The following C9 variants were observed in gnomAD, a reference collection of about 807,000 sequenced individuals.
C9 encodes the protein complement component C9.
In C9, 63 loss-of-function variants were observed where a neutral mutation model predicts 65.4. That is an observed-to-expected ratio of 0.96 (90% confidence interval 0.79 to 1.19). C9 has a LOEUF of 1.19. C9 is among the 50% of genes most tolerant of loss of function. The pLI, the probability that C9 is intolerant of heterozygous loss-of-function variation, is 0.00. For missense variants in C9, 744 were observed against 670.1 expected (o/e 1.11, Z -1.22); for synonymous variants, 229 against 227.9 (o/e 1.00, Z -0.04).
chr5:39,327,195 T>C (rs558628227), intron 5 of C9, among the ~76,000 whole-genome samples: 5 of 152,134 alleles, frequency 3.3e-5, no homozygotes, highest in Non-Finnish European at 7.4e-5. Context: ...TTGTACTCCT[T>C]GCCAAGGAGA....
chr5:39,360,365 T>C (rs1561358360), intron 1 of C9, among the ~76,000 whole-genome samples: 2 of 152,222 alleles, frequency 1.3e-5, no homozygotes, highest in African/African-American at 2.4e-5. Flanking sequence ...AGAGTTGGAA[T>C]TGAAACCCGG....
chr5:39,352,834 G>GTT (rs747093390), intron 1 of C9, among the ~76,000 whole-genome samples: 15 of 144,662 alleles, frequency 1.0e-4, no homozygotes, highest in African/African-American at 3.6e-4. Context: ...TGAAGTCTAA[G>GTT]TTTTTTTTTT....
chr5:39,302,962 C>A (rs1310447374), intron 9 of C9, among the ~76,000 whole-genome samples: 1 of 152,048 alleles, frequency 6.6e-6, no homozygotes, highest in Admixed American at 6.6e-5. Flanking sequence ...TACATAACAA[C>A]CTTTTAGTAA....
At position 39,315,960 on chromosome 5, in the gene C9, G is replaced by A. The variant is rs780870258; in HGVS notation, c.685C>T (p.Gln229Ter). The stretch of plus-strand genomic sequence containing the variant: ...GCATTAAAATTTGATGTCTTCTCTT[G>A]GATGATACTTTTAAATGCTTCAATT... Reference protein sequence around the residue: ...EQIEAFKSIIQEKTSNFNAAI... With the variant: ...EQIEAFKSII The change falls in exon 6 of 11, where the codon CAA becomes TAA. Residue 229 changes from glutamine (Q) to a stop codon, truncating the protein, a stop_gained. Coordinates refer to ENST00000263408, the MANE Select transcript of C9 (RefSeq NM_001737.5). LOFTEE classifies it high-confidence loss of function. The A allele has an allele frequency of 6.2e-7, 1 of 1,609,186 alleles. No individual in the cohort carries two copies. Among genetic ancestry groups the A allele is most frequent in the Non-Finnish European group, 8.5e-7 (1 of 1,175,970 alleles).
chr5:39,347,111 A>T (rs867707682), intron 1 of C9, among the ~76,000 whole-genome samples: 1 of 152,128 alleles, frequency 6.6e-6, no homozygotes, highest in Admixed American at 6.6e-5. Flanking sequence ...AAAACTGGCA[A>T]AAGACAGGGA....
intron 9 of C9, among the ~76,000 whole-genome samples, chr5:39,304,815 A>T (rs1381263516): frequency 6.6e-6 from 1 of 152,202 alleles, no homozygotes; most frequent in Non-Finnish European, 1.5e-5. Flanking sequence ...AAAATGGGAT[A>T]AACTATATTG....
intron 5 of C9, among the ~76,000 whole-genome samples, chr5:39,325,990 C>T (rs992378954): frequency 2.0e-5 from 3 of 152,158 alleles, no homozygotes; most frequent in African/African-American, 7.2e-5. Flanking sequence ...ATTTCCTGCA[C>T]ATCCAACTTC....
intron 1 of C9, among the ~76,000 whole-genome samples, chr5:39,348,081 A>G (rs1165537612): frequency 6.6e-6 from 1 of 152,160 alleles, no homozygotes; most frequent in Non-Finnish European, 1.5e-5. Flanking sequence ...AAGAAAACCC[A>G]GGCAATACCA....
chr5:39,341,677 G>A lies in C9; in HGVS notation c.207C>T (p.Val69=), dbSNP rs1002887256. ...RQMFRSRSIE[V]FGQFNGKRCT... ...ATCTTTTCCCATTAAATTGTCCAAAGACCTCAATGCTTCTTGAACGAAACT... is the reference window on the plus strand; with the variant it reads ...ATCTTTTCCCATTAAATTGTCCAAAAACCTCAATGCTTCTTGAACGAAACT... Residue 69 remains valine (V), a synonymous_variant, in exon 3 of 11, where the codon GTC becomes GTT. Transcript: ENST00000263408. The A allele has an allele frequency of 4.3e-6, 7 of 1,614,076 alleles. No individual in the cohort carries two copies. The Admixed American group carries it at 6.7e-5, about 15-fold the overall frequency.
intron 9 of C9, among the ~76,000 whole-genome samples, chr5:39,295,913 C>A (rs1753177979): frequency 6.6e-6 from 1 of 151,424 alleles, no homozygotes; most frequent in African/African-American, 2.4e-5. Flanking sequence ...GACAAAAGTA[C>A]CAAGAAAAAT....
chr5:39,308,389 G>C (rs752521035), intron 7 of C9, 31 bp from the exon 8 acceptor site: 1 of 1,517,148 alleles, frequency 6.6e-7, no homozygotes, highest in Non-Finnish European at 9.2e-7. Context: ...AAAATTATTA[G>C]ATAATGTCTA....
intron 9 of C9, among the ~76,000 whole-genome samples, chr5:39,296,191 A>G (rs1161013645): frequency 2.0e-5 from 3 of 151,704 alleles, no homozygotes; most frequent in South Asian, 2.1e-4. Flanking sequence ...TTTATATCCA[A>G]TTGAAAAGCT....
chr5:39,364,307 T>C (rs1053830261), intron 1 of C9, 81 bp downstream of exon 1: 11 of 788,120 alleles, frequency 1.4e-5, no homozygotes, highest in East Asian at 2.4e-5. Flanking sequence ...AACATTGTCA[T>C]GTACTTTGCT....
At chr5:39,334,031 C>T (rs1453959797) in intron 4 of C9, among the ~76,000 whole-genome samples, 1 of 151,568 alleles carries the variant, frequency 6.6e-6, no homozygotes, top group African/African-American at 2.4e-5. Context: ...GCCCGGCCGC[C>T]ACCCCGTCTG....
intron 4 of C9, among the ~76,000 whole-genome samples, chr5:39,333,554 A>ATCTCCCTCTCCCTCTCCCTCTCTC (rs1753882871): frequency 1.7e-5 from 2 of 116,216 alleles, no homozygotes; most frequent in Non-Finnish European, 3.8e-5. Flanking sequence ...AAACACTTAT[A>ATCTCCCTCTCCCTCTCCCTCTCTC]TCTCCCTCTC....
At chr5:39,310,254 C>A (rs2111884630) in intron 7 of C9, among the ~76,000 whole-genome samples, 1 of 152,220 alleles carries the variant, frequency 6.6e-6, no homozygotes, top group South Asian at 2.1e-4. Context: ...TTGACACTGA[C>A]CCCGTAAAAG....
rs550706458 is a variant in C9 at position 39,311,408 on chromosome 5, CAT to C, written c.871-33_871-32del. 111 of 1,604,364 alleles carry C rather than the reference CAT, an allele frequency of 6.9e-5. No individual in the cohort carries two copies. The African/African-American group carries it at 1.1e-3, about 16-fold the overall frequency. ...TTGTAGAGCAGATGAAGAAGAGAAA[CAT>C]GTGTTTTATCCACCATTTCAAATGA... On this transcript the variant is annotated intron_variant, in intron 6 of 10. Transcript: ENST00000263408.
chr5:39,292,161 C>A (rs1370535766), intron 9 of C9, among the ~76,000 whole-genome samples: 1 of 151,676 alleles, frequency 6.6e-6, no homozygotes, highest in Non-Finnish European at 1.5e-5. Flanking sequence ...AATAAATATA[C>A]ATCTCATTCA....
At chr5:39,312,635 C>A (rs544821964) in intron 6 of C9, among the ~76,000 whole-genome samples, 2 of 152,248 alleles carry the variant, frequency 1.3e-5, no homozygotes, top group Admixed American at 1.3e-4. Context: ...AAAACTAGGG[C>A]AGTGAACTGT....
Sources: gnomAD v4.1 joint callset for allele counts (sites outside exome capture counted in the v4.1 genomes callset) on GRCh38, gnomAD v4.1.1 for gene constraint, MANE v1.5 for transcripts, NCBI Gene and HGNC (gene_info 2026-07-23, HGNC 2026-07-21) for gene names.